APELA: variants seen among roughly 807,000 people sequenced by gnomAD.
APELA encodes protein Elabela.
intron 2 of APELA, among the ~76,000 whole-genome samples, chr4:164,885,032 C>T (rs1284546426): frequency 6.6e-6 from 1 of 152,114 alleles, no homozygotes; most frequent in Non-Finnish European, 1.5e-5. Context: ...CCCCTCTTCC[C>T]TCTGCATGCT....
At chr4:164,888,808 T>G (rs192971833) in intron 2 of APELA, among the ~76,000 whole-genome samples, 1 of 152,340 alleles carries the variant, frequency 6.6e-6, no homozygotes, top group Admixed American at 6.5e-5. Flanking sequence ...AAATTCTGAA[T>G]GTAAACCACA....
In APELA at chr4:164,877,235, T is replaced by C. The variant is rs2111045196; in HGVS notation, c.-97T>C. The C allele has an allele frequency of 2.5e-6, 1 of 396,880 alleles. No individual in the cohort carries two copies. Among genetic ancestry groups the C allele is most frequent in the East Asian group, 3.6e-5 (1 of 27,982 alleles). 24.6% of individuals were successfully genotyped at this position (396,880 alleles called of 1,614,324 possible). A position where few individuals can be genotyped will look rare whatever the true frequency, so the allele number is the denominator to read the frequency against. ...CTGGCAGTTCTCTGAGGTTTGTCAC[T>C]AGAATGTGAAGACAGCCACACAGAT... is the stretch of plus-strand genomic sequence containing the variant. On this transcript the variant is annotated 5_prime_UTR_variant, in exon 1 of 3. Coordinates refer to ENST00000507152, the MANE Select transcript of APELA (RefSeq NM_001297550.2).
intron 2 of APELA, among the ~76,000 whole-genome samples, chr4:164,887,782 T>A (rs1360361211): frequency 6.6e-6 from 1 of 152,132 alleles, no homozygotes; most frequent in African/African-American, 2.4e-5. Context: ...CAGCTAATTT[T>A]TGTATTTTTA....
rs896546772 is a variant in APELA at position 164,896,181 on chromosome 4, C to G, written c.*767C>G. On this transcript the variant is annotated 3_prime_UTR_variant, in exon 3 of 3. Transcript: ENST00000507152. ...CGCTTTTGTCTCACTGCAACCTCCA[C>G]CTCCCGAGTTCAAGTGATTCTCGTG... The G allele has an allele frequency of 6.6e-6, 1 of 152,170 alleles. No individual in the cohort carries two copies. Among genetic ancestry groups the G allele is most frequent in the Non-Finnish European group, 1.5e-5 (1 of 68,030 alleles). 9.4% of individuals were successfully genotyped at this position (152,170 alleles called of 1,614,324 possible). A position where few individuals can be genotyped will look rare whatever the true frequency, so the allele number is the denominator to read the frequency against.
downstream of APELA, among the ~76,000 whole-genome samples, chr4:164,898,366 G>T (rs1731015484): frequency 6.6e-6 from 1 of 151,702 alleles, no homozygotes; most frequent in Non-Finnish European, 1.5e-5. Flanking sequence ...GCTGGGCGTG[G>T]TGTCGGGTGC....
At chr4:164,880,915 T>C (rs902665681) in intron 2 of APELA, among the ~76,000 whole-genome samples, 1 of 152,210 alleles carries the variant, frequency 6.6e-6, no homozygotes, top group African/African-American at 2.4e-5. Context: ...GCTGAGAGCT[T>C]ATAAAACTGC....
chr4:164,880,428 T>C (rs1331003735), intron 2 of APELA, among the ~76,000 whole-genome samples: 1 of 152,230 alleles, frequency 6.6e-6, no homozygotes, highest in Admixed American at 6.5e-5. Context: ...TCCAGAAAGA[T>C]ACAGTAGGAG....
In APELA at chr4:164,877,226, G is replaced by A. The variant is rs1730571276; in HGVS notation, c.-106G>A. ...AAAACACAGCTGGCAGTTCTCTGAG[G>A]TTTGTCACTAGAATGTGAAGACAGC... is the stretch of plus-strand genomic sequence containing the variant. On this transcript the variant is annotated 5_prime_UTR_variant, in exon 1 of 3. Coordinates refer to ENST00000507152, the MANE Select transcript of APELA (RefSeq NM_001297550.2). The A allele has an allele frequency of 5.0e-6, 2 of 396,276 alleles. No homozygotes were observed. The highest frequency in any genetic ancestry group is 4.1e-5 in the African/African-American group (2 of 48,534). 24.5% of individuals were successfully genotyped at this position (396,276 alleles called of 1,614,324 possible).
At chr4:164,878,183 G>A (rs1474565075) in intron 1 of APELA, among the ~76,000 whole-genome samples, 3 of 123,924 alleles carry the variant, frequency 2.4e-5, no homozygotes, top group African/African-American at 6.0e-5. Flanking sequence ...AAGAAAGAAA[G>A]AAAGAAACAG....
chr4:164,879,379 A>G (rs1314168166), intron 2 of APELA: 1 of 163,458 alleles, frequency 6.1e-6, no homozygotes, highest in African/African-American at 2.4e-5. Flanking sequence ...CCATACCAGC[A>G]ATGAACTACC....
chr4:164,879,373 A>G (rs1258353500), intron 2 of APELA: 1 of 164,886 alleles, frequency 6.1e-6, no homozygotes, highest in African/African-American at 2.4e-5. Flanking sequence ...ACAGCCCCAT[A>G]CCAGCAATGA....
Position 164,877,205 on chromosome 4 carries a change from C to T in APELA, c.-127C>T. ...TGTGATCATTAACCTTCCTGCAAAA[C>T]ACAGCTGGCAGTTCTCTGAGGTTTG... On this transcript the variant is annotated 5_prime_UTR_variant, in exon 1 of 3. Coordinates refer to ENST00000507152, the MANE Select transcript of APELA (RefSeq NM_001297550.2). 2 of 395,246 alleles carry T rather than the reference C, an allele frequency of 5.1e-6. No individual in the cohort carries two copies. Among genetic ancestry groups the T allele is most frequent in the Admixed American group, 4.4e-5 (1 of 22,642 alleles). The allele number at this position is 395,246 out of a possible 1,614,324, so 24.5% of individuals were successfully genotyped here. A position where few individuals can be genotyped will look rare whatever the true frequency, so the allele number is the denominator to read the frequency against.
chr4:164,880,046 G>A (rs1730628767), intron 2 of APELA, among the ~76,000 whole-genome samples: 1 of 152,154 alleles, frequency 6.6e-6, no homozygotes, highest in African/African-American at 2.4e-5. Flanking sequence ...ACACAGTTTG[G>A]CATTCCATTG....
intron 2 of APELA, among the ~76,000 whole-genome samples, chr4:164,884,163 A>AAAG (rs1560858165): frequency 4.9e-5 from 6 of 123,544 alleles, no homozygotes; most frequent in African/African-American, 1.7e-4. Context: ...AAGAAAGGAG[A>AAAG]AGAGAAAGAA....
chr4:164,883,725 A>G (rs563984895), intron 2 of APELA, among the ~76,000 whole-genome samples: 196 of 151,772 alleles, frequency 1.3e-3, no homozygotes, highest in Non-Finnish European at 2.2e-3. Context: ...GGCTCAAGCA[A>G]TCCTCTTACC....
At chr4:164,884,063 A>G (rs898821708) in intron 2 of APELA, among the ~76,000 whole-genome samples, 1 of 150,994 alleles carries the variant, frequency 6.6e-6, no homozygotes, top group Non-Finnish European at 1.5e-5. Flanking sequence ...GAAACAGGGA[A>G]AGAAGGAGAG....
chr4:164,889,207 T>C (rs1200291198), intron 2 of APELA, among the ~76,000 whole-genome samples: 1 of 152,032 alleles, frequency 6.6e-6, no homozygotes, highest in Non-Finnish European at 1.5e-5. Flanking sequence ...GGGGGATATG[T>C]GGGGGCTTGG....
chr4:164,890,236 A>G (rs1730853628), intron 2 of APELA, among the ~76,000 whole-genome samples: 3 of 152,112 alleles, frequency 2.0e-5, no homozygotes, highest in African/African-American at 7.2e-5. Flanking sequence ...TGCATGTTTA[A>G]TTTTTTTCAG....
chr4:164,878,108 C>G lies in APELA; in HGVS notation c.76+701C>G, dbSNP rs529474366. ...GTACTTTTACTTCAAAACCAAACAG[C>G]TAAGATTTCAAAGAACCAGTAAGTT... On this transcript the variant is annotated intron_variant, in intron 1 of 2. Coordinates refer to ENST00000507152, the MANE Select transcript of APELA (RefSeq NM_001297550.2). Among the ~76,000 whole-genome samples, 79 of 128,642 alleles carry G rather than the reference C, an allele frequency of 6.1e-4. 1 individual carries two copies. The highest frequency in any genetic ancestry group is 2.1e-3 in the African/African-American group (71 of 33,598). The allele number at this position is 128,642 out of a possible 152,430, so 84.4% of individuals were successfully genotyped here. A position where few individuals can be genotyped will look rare whatever the true frequency, so the allele number is the denominator to read the frequency against.
Sources: allele counts gnomAD v4.1 joint callset (sites outside exome capture counted in the v4.1 genomes callset), GRCh38; gene constraint gnomAD v4.1.1; transcripts MANE v1.5; gene names NCBI Gene and HGNC (gene_info 2026-07-23, HGNC 2026-07-21).